ATAD1: variants seen among roughly 807,000 people sequenced by gnomAD.
The protein encoded by ATAD1 is outer mitochondrial transmembrane helix translocase.
Under a neutral mutation model 42.7 loss-of-function variants are expected in ATAD1, and 18 were observed. The observed-to-expected ratio is 0.42, with a 90% confidence interval of 0.29 to 0.63. ATAD1 has a LOEUF of 0.63. ATAD1 is among the 20% of genes least tolerant of loss of function. The pLI is 0.19. For missense variants in ATAD1, 294 were observed against 440.4 expected (o/e 0.67, Z 2.98); for synonymous variants, 132 against 143.1 (o/e 0.92, Z 0.55).
At chr10:87,777,488 T>C (rs1408682360) in intron 5 of ATAD1, among the ~76,000 whole-genome samples, 1 of 152,176 alleles carries the variant, frequency 6.6e-6, no homozygotes, top group Non-Finnish European at 1.5e-5. Context: ...TTTAAATTAT[T>C]TTCTGTCTTC....
At chr10:87,809,467 AG>A (rs1554883953) in intron 2 of ATAD1, among the ~76,000 whole-genome samples, 1 of 151,744 alleles carries the variant, frequency 6.6e-6, no homozygotes, top group Non-Finnish European at 1.5e-5. Flanking sequence ...AGGTTGGCAG[AG>A]GTAAAAGAGG....
At chr10:87,758,013 A>T (rs528017001) in intron 8 of ATAD1, among the ~76,000 whole-genome samples, 2 of 152,348 alleles carry the variant, frequency 1.3e-5, no homozygotes, top group African/African-American at 4.8e-5. Context: ...AGCAATGATA[A>T]GCAAAGCAAA....
At chr10:87,790,264 T>C (rs1856031956) in intron 4 of ATAD1, 46 bp downstream of exon 4, 1 of 1,585,930 alleles carries the variant, frequency 6.3e-7, no homozygotes, top group African/African-American at 1.4e-5. Context: ...GTTTCAATGT[T>C]TTCTAGGATT....
At chr10:87,840,498 AG>A (rs1317788500) in intron 1 of ATAD1, among the ~76,000 whole-genome samples, 1 of 152,210 alleles carries the variant, frequency 6.6e-6, no homozygotes, top group Non-Finnish European at 1.5e-5. Context: ...AAAAGAAAAA[AG>A]AAAATGATAA....
intron 1 of ATAD1, among the ~76,000 whole-genome samples, chr10:87,823,258 C>G (rs1857664629): frequency 6.6e-6 from 1 of 152,100 alleles, no homozygotes. Context: ...CCACAATCTG[C>G]ATTTCTACGT....
chr10:87,779,678 T>A (rs1855478141), intron 5 of ATAD1, among the ~76,000 whole-genome samples: 1 of 152,122 alleles, frequency 6.6e-6, no homozygotes, highest in Non-Finnish European at 1.5e-5. Context: ...AACAGACACC[T>A]CAACAAAGAT....
upstream of ATAD1, among the ~76,000 whole-genome samples, chr10:87,821,564 T>G (rs1857632182): frequency 1.3e-5 from 2 of 152,096 alleles, no homozygotes; most frequent in Non-Finnish European, 1.5e-5. Context: ...CAAATTTCAC[T>G]GTATATAGAT....
Position 87,770,951 on chromosome 10 carries a change from C to T in ATAD1, c.780+1G>A, listed in dbSNP as rs1855001648. ...TCATAATATCAATCAAGACCACCTA[C>T]AGGCTGGTTGATATGAAATCTTGTA... On this transcript the variant is annotated splice_donor_variant, in intron 7 of 9. Coordinates refer to ENST00000680024, the MANE Select transcript of ATAD1 (RefSeq NM_001321967.2). LOFTEE classifies it high-confidence loss of function. 1 of 1,611,986 alleles carries T rather than the reference C, an allele frequency of 6.2e-7. No individual in the cohort carries two copies. Among genetic ancestry groups the T allele is most frequent in the South Asian group, 1.1e-5 (1 of 90,960 alleles).
chr10:87,754,934 G>A (rs1429432844), intron 9 of ATAD1, 127 bp from the exon 10 acceptor site: 2 of 1,140,170 alleles, frequency 1.8e-6, no homozygotes, highest in Non-Finnish European at 2.4e-6. Context: ...TGTAGAAAAG[G>A]GTATAAAAAT....
At chr10:87,778,285 T>A (rs774268800) in intron 5 of ATAD1, among the ~76,000 whole-genome samples, 11 of 149,370 alleles carry the variant, frequency 7.4e-5, no homozygotes, top group Non-Finnish European at 1.0e-4. Flanking sequence ...CAAAAAAAAA[T>A]TTTTTTTAAA....
intron 2 of ATAD1, among the ~76,000 whole-genome samples, chr10:87,795,828 A>G (rs1161568322): frequency 6.6e-6 from 1 of 152,188 alleles, no homozygotes; most frequent in Non-Finnish European, 1.5e-5. Context: ...AAAGATTCAT[A>G]AAATTGTCCT....
chr10:87,804,283 T>C lies in ATAD1; in HGVS notation c.162+10155A>G, dbSNP rs201682325. 4.0e-5 allele frequency among the ~76,000 whole-genome samples: 6 copies of C among 151,480 alleles called. No individual in the cohort carries two copies. The East Asian group carries it at 1.2e-3, about 29-fold the overall frequency. On this transcript the variant is annotated intron_variant, in intron 2 of 9. Coordinates refer to ENST00000680024, the MANE Select transcript of ATAD1 (RefSeq NM_001321967.2). The stretch of plus-strand genomic sequence containing the variant: ...TTAAGTTAAATAATTAATGTCATAG[T>C]AAGTCACTTTCTGTGTATAACTCGT...
chr10:87,821,246 G>A (rs1436127194), upstream of ATAD1, among the ~76,000 whole-genome samples: 1 of 152,106 alleles, frequency 6.6e-6, no homozygotes, highest in African/African-American at 2.4e-5. Context: ...AGGTGTTCTT[G>A]GCTGGGCGCA....
At chr10:87,758,284 T>C (rs1320104647) in intron 8 of ATAD1, among the ~76,000 whole-genome samples, 5 of 151,964 alleles carry the variant, frequency 3.3e-5, no homozygotes, top group South Asian at 2.1e-4. Context: ...CACTAAAGGA[T>C]AGAAAGGGTA....
intron 2 of ATAD1, among the ~76,000 whole-genome samples, chr10:87,813,895 G>T (rs2132061731): frequency 6.6e-6 from 1 of 152,138 alleles, no homozygotes; most frequent in East Asian, 1.9e-4. Flanking sequence ...AGGTTTTTAT[G>T]TTTTGATGAC....
intron 1 of ATAD1, among the ~76,000 whole-genome samples, chr10:87,815,999 T>C (rs1045651978): frequency 6.6e-6 from 1 of 152,166 alleles, no homozygotes; most frequent in Non-Finnish European, 1.5e-5. Flanking sequence ...AGTCAAATTC[T>C]ATCCTAACTT....
upstream of ATAD1, among the ~76,000 whole-genome samples, chr10:87,823,002 A>G (rs1171969911): frequency 1.3e-5 from 2 of 151,958 alleles, no homozygotes; most frequent in Admixed American, 1.3e-4. Context: ...GATAGAATCA[A>G]GGAAAAAATA....
At chr10:87,799,607 A>G (rs960380326) in intron 2 of ATAD1, among the ~76,000 whole-genome samples, 1 of 152,190 alleles carries the variant, frequency 6.6e-6, no homozygotes, top group South Asian at 2.1e-4. Flanking sequence ...TGATTTTGCA[A>G]TGGTGGTTCT....
Position 87,790,415 on chromosome 10 carries a change from T to C in ATAD1, c.277A>G (p.Ile93Val). 12 of 1,608,242 alleles carry C rather than the reference T, an allele frequency of 7.5e-6. No homozygotes were observed. The highest frequency in any genetic ancestry group is 9.3e-6 in the Non-Finnish European group (11 of 1,178,868). ...GTAATGACATCATCTAAACCTGCTA[T>C]ATCACTCCAAGTAACCTGGCAAAAG... ...PLNMHVTWSD[I>V]AGLDDVITDL... Residue 93 changes from isoleucine (I) to valine (V), a missense_variant, in exon 4 of 10, where the codon ATA becomes GTA. Transcript: ENST00000680024.
Sources: gnomAD v4.1 joint callset for allele counts (sites outside exome capture counted in the v4.1 genomes callset) on GRCh38, gnomAD v4.1.1 for gene constraint, MANE v1.5 for transcripts, NCBI Gene and HGNC (gene_info 2026-07-23, HGNC 2026-07-21) for gene names.